NRXN1: variants seen among roughly 807,000 people sequenced by gnomAD.
NRXN1 encodes neurexin 1, also known as neurexin-1.
NRXN1 carries 39 observed loss-of-function variants against 150.9 expected under a neutral mutation model. The observed-to-expected ratio is 0.26, with a 90% CI of 0.20 to 0.34. The LOEUF (loss-of-function observed/expected upper bound fraction) is 0.34, where lower values mean the gene tolerates loss of function less well. NRXN1 is among the 10% of genes least tolerant of loss of function. NRXN1 has a pLI of 1.00. For missense variants in NRXN1, 1,815 were observed against 1,949.9 expected (o/e 0.93, Z 1.30); for synonymous variants, 924 against 757.0 (o/e 1.22, Z -3.62).
chr2:50,872,458 T>C (rs539477287), intron 5 of NRXN1, among the ~76,000 whole-genome samples: 21 of 151,760 alleles, frequency 1.4e-4, no homozygotes, highest in Admixed American at 5.3e-4. Flanking sequence ...ATTTAGGGTC[T>C]AAGGCATACC....
chr2:51,019,268 C>T (rs1669224354), intron 2 of NRXN1, among the ~76,000 whole-genome samples: 1 of 152,094 alleles, frequency 6.6e-6, no homozygotes, highest in African/African-American at 2.4e-5. Flanking sequence ...TTCTAACTCA[C>T]AGTTTTCTCA....
chr2:50,138,905 G>C (rs936416794), intron 18 of NRXN1, among the ~76,000 whole-genome samples: 2 of 152,218 alleles, frequency 1.3e-5, no homozygotes, highest in African/African-American at 4.8e-5. Flanking sequence ...ACCCTGATTT[G>C]AATAGTTCTT....
chr2:50,136,469 G>A (rs927067144), intron 18 of NRXN1, among the ~76,000 whole-genome samples: 2 of 152,178 alleles, frequency 1.3e-5, no homozygotes, highest in African/African-American at 4.8e-5. Context: ...ATTTAATATT[G>A]TTAAAATAAT....
chr2:50,595,108 T>G (rs201469525), intron 8 of NRXN1, among the ~76,000 whole-genome samples: 6 of 91,368 alleles, frequency 6.6e-5, no homozygotes, highest in African/African-American at 1.2e-4. Flanking sequence ...ACATGGGGTG[T>G]GTATTGTTAT....
At chr2:50,116,418 A>C (rs1423783225) in intron 18 of NRXN1, among the ~76,000 whole-genome samples, 1 of 152,076 alleles carries the variant, frequency 6.6e-6, no homozygotes, top group Non-Finnish European at 1.5e-5. Flanking sequence ...GGTGGGGAAA[A>C]GAAAAGATTT....
At chr2:50,065,841 G>A (rs1369962714) in intron 19 of NRXN1, among the ~76,000 whole-genome samples, 1 of 152,154 alleles carries the variant, frequency 6.6e-6, no homozygotes, top group Non-Finnish European at 1.5e-5. Flanking sequence ...GTTGGAAATG[G>A]AGAGAGGATC....
At chr2:50,113,887 T>G (rs1247177572) in intron 18 of NRXN1, among the ~76,000 whole-genome samples, 2 of 152,150 alleles carry the variant, frequency 1.3e-5, no homozygotes, top group African/African-American at 4.8e-5. Context: ...CAATGGTCAG[T>G]TAATTTTTAT....
chr2:50,472,779 T>C (rs2104710092), intron 15 of NRXN1, among the ~76,000 whole-genome samples: 1 of 147,328 alleles, frequency 6.8e-6, no homozygotes, highest in Admixed American at 6.8e-5. Context: ...CCTGGTTATT[T>C]GCAAGCCCTA....
intron 2 of NRXN1, among the ~76,000 whole-genome samples, chr2:50,928,082 A>T (rs1280058398): frequency 1.3e-5 from 2 of 151,908 alleles, no homozygotes; most frequent in Non-Finnish European, 1.5e-5. Context: ...TTTTTTTCTG[A>T]ATTCTTATTC....
At chr2:50,376,743 G>A (rs1271281656) in intron 17 of NRXN1, among the ~76,000 whole-genome samples, 2 of 152,070 alleles carry the variant, frequency 1.3e-5, no homozygotes, top group South Asian at 2.1e-4. Context: ...GTTCCCTTAG[G>A]CTCTGTAGAG....
chr2:50,139,484 G>A (rs1706937425), intron 18 of NRXN1, among the ~76,000 whole-genome samples: 1 of 152,098 alleles, frequency 6.6e-6, no homozygotes, highest in African/African-American at 2.4e-5. Flanking sequence ...AATTACTTTT[G>A]CTAGATAAAG....
intron 5 of NRXN1, among the ~76,000 whole-genome samples, chr2:50,855,978 T>C (rs948192605): frequency 2.5e-4 from 37 of 150,506 alleles, no homozygotes; most frequent in African/African-American, 8.8e-4. Flanking sequence ...CTTTCTAATA[T>C]AGAGAAAGAC....
At chr2:50,684,426 CAGG>C (rs949898890) in intron 5 of NRXN1, among the ~76,000 whole-genome samples, 57 of 152,036 alleles carry the variant, frequency 3.7e-4, no homozygotes, top group African/African-American at 1.2e-3. Flanking sequence ...CTCTTGAGTC[CAGG>C]AGGTCAAAAC....
rs557918391 is a variant in NRXN1, at chr2:50,590,045, C to T, written c.1320+29977G>A. Among the ~76,000 whole-genome samples the T allele has an allele frequency of 2.0e-5, 3 of 152,228 alleles. No individual in the cohort carries two copies. In the South Asian group the frequency reaches 6.2e-4, roughly 32 times the overall value. ...TATTTATGGAACACCTGTCATGTGA[C>T]AATAACTGTGTAAGGTTCATTGCTC... On this transcript the variant is annotated intron_variant, in intron 8 of 22. Transcript: ENST00000401669.
chr2:50,606,627 T>TAATAAA (rs1677173522), intron 8 of NRXN1, among the ~76,000 whole-genome samples: 1 of 150,676 alleles, frequency 6.6e-6, no homozygotes, highest in Non-Finnish European at 1.5e-5. Flanking sequence ...ATAATAATAA[T>TAATAAA]AATAAAATAA....
intron 17 of NRXN1, among the ~76,000 whole-genome samples, chr2:50,276,138 C>A (rs2070427550): frequency 6.6e-6 from 1 of 151,966 alleles, no homozygotes; most frequent in African/African-American, 2.4e-5. Flanking sequence ...AGAACAACCA[C>A]AACAAAAAAA....
intron 18 of NRXN1, among the ~76,000 whole-genome samples, chr2:50,170,409 C>T (rs2059958728): frequency 6.6e-6 from 1 of 152,126 alleles, no homozygotes; most frequent in Admixed American, 6.5e-5. Context: ...AATTCTCCTA[C>T]CTCAGCATCC....
chr2:50,270,447 A>G (rs2069442385), intron 17 of NRXN1, among the ~76,000 whole-genome samples: 1 of 152,120 alleles, frequency 6.6e-6, no homozygotes, highest in Non-Finnish European at 1.5e-5. Flanking sequence ...GGAGTCCTCT[A>G]AACTATGCAA....
chr2:50,392,134 A>C (rs917438910), intron 17 of NRXN1, among the ~76,000 whole-genome samples: 2 of 152,162 alleles, frequency 1.3e-5, no homozygotes, highest in Non-Finnish European at 2.9e-5. Flanking sequence ...AAATGATGTG[A>C]TCACAAGGCT....
Sources: allele counts gnomAD v4.1 joint callset (sites outside exome capture counted in the v4.1 genomes callset), GRCh38; gene constraint gnomAD v4.1.1; transcripts MANE v1.5; gene names NCBI Gene and HGNC (gene_info 2026-07-23, HGNC 2026-07-21).